Variants in THRAP3 observed in about 807,000 individuals in gnomAD.
THRAP3 encodes the protein thyroid hormone receptor-associated protein 3.
THRAP3 carries 16 observed loss-of-function variants against 101.0 expected under a neutral mutation model. The observed-to-expected ratio is 0.16, with a 90% CI of 0.11 to 0.24. The LOEUF (loss-of-function observed/expected upper bound fraction) is 0.24. Ranked by LOEUF, THRAP3 falls within the 10% of genes least tolerant of loss-of-function variation. THRAP3 has a pLI of 1.00. For synonymous variants in THRAP3, 407 were observed against 422.6 expected (o/e 0.96, Z 0.45); for missense variants, 989 against 1,202.7 (o/e 0.82, Z 2.63).
chr1:36,291,486 C>T lies in THRAP3; in HGVS notation c.1858C>T (p.Gln620Ter). Residue 620 changes from glutamine to a stop codon, truncating the protein, a stop_gained, in exon 6 of 12, where the codon CAG (glutamine) becomes TAG (stop). Transcript: ENST00000354618. LOFTEE classifies it high-confidence loss of function. ...IFQHIQSAQS[Q>*]RSPSELFAQH... ...CCAGCACATACAATCAGCTCAGTCT[C>T]AGCGTAGCCCCTCAGAACTGTTTGC... 6.2e-7 allele frequency: 1 copy of T among 1,614,236 alleles called. No individual in the cohort carries two copies. The highest frequency in any genetic ancestry group is 8.5e-7 in the Non-Finnish European group (1 of 1,180,046).
At chr1:36,257,431 G>A (rs575738242) in intron 1 of THRAP3, among the ~76,000 whole-genome samples, 2 of 152,322 alleles carry the variant, frequency 1.3e-5, no homozygotes, top group African/African-American at 4.8e-5. Context: ...AATTAGTAAT[G>A]TGTAGAAGGG....
chr1:36,289,787 C>A, intron 5 of THRAP3, 23 bp downstream of exon 5: 2 of 1,572,662 alleles, frequency 1.3e-6, no homozygotes, highest in African/African-American at 1.4e-5. Flanking sequence ...CCTTCTTGAT[C>A]CTCAGTGCTT....
At chr1:36,247,877 T>TC (rs1645250446) in intron 1 of THRAP3, among the ~76,000 whole-genome samples, 1 of 150,432 alleles carries the variant, frequency 6.6e-6, no homozygotes, top group African/African-American at 2.4e-5. Context: ...CATCTTTTTT[T>TC]TTTTTTTTTT....
chr1:36,258,752 T>A (rs1257587551), intron 1 of THRAP3, among the ~76,000 whole-genome samples: 4 of 152,258 alleles, frequency 2.6e-5, no homozygotes, highest in Non-Finnish European at 5.9e-5. Flanking sequence ...GTGCTGGGAT[T>A]ATAGGCGTGA....
chr1:36,300,816 C>T, intron 9 of THRAP3, 70 bp from the exon 10 acceptor site: 2 of 1,503,404 alleles, frequency 1.3e-6, no homozygotes, highest in South Asian at 1.1e-5. Context: ...CTGTGCTTAT[C>T]CATGAGGCCC....
chr1:36,278,940 A>G (rs1645697829), intron 2 of THRAP3, among the ~76,000 whole-genome samples: 1 of 151,970 alleles, frequency 6.6e-6, no homozygotes, highest in African/African-American at 2.4e-5. Flanking sequence ...AAATAAATAA[A>G]TAAAAATAAA....
intron 1 of THRAP3, among the ~76,000 whole-genome samples, chr1:36,232,937 C>T (rs909904124): frequency 9.3e-5 from 4 of 43,030 alleles, no homozygotes; most frequent in East Asian, 9.7e-4. Context: ...TGCTGTGGCG[C>T]GGTCTCGGCT....
chr1:36,280,712 T>C (rs1645719853), intron 2 of THRAP3, among the ~76,000 whole-genome samples: 1 of 152,208 alleles, frequency 6.6e-6, no homozygotes, highest in Non-Finnish European at 1.5e-5. Context: ...CTGTCTTTGA[T>C]AGACATGTAC....
At chr1:36,243,679 T>C (rs1169872407) in intron 1 of THRAP3, among the ~76,000 whole-genome samples, 2 of 152,180 alleles carry the variant, frequency 1.3e-5, no homozygotes, top group African/African-American at 2.4e-5. Context: ...AAACCGCCAT[T>C]GTCATCATGG....
At chr1:36,249,344 A>G (rs1645270161) in intron 1 of THRAP3, among the ~76,000 whole-genome samples, 1 of 151,916 alleles carries the variant, frequency 6.6e-6, no homozygotes, top group African/African-American at 2.4e-5. Flanking sequence ...GGTGCCCGCC[A>G]CCACACCTTG....
At chr1:36,221,208 C>G (rs1570201837), upstream of THRAP3, among the ~76,000 whole-genome samples, 1 of 140,510 alleles carries the variant, frequency 7.1e-6, no homozygotes, top group Non-Finnish European at 1.5e-5. Flanking sequence ...AAAAAAAAAG[C>G]TGCGAACATT....
intron 3 of THRAP3, among the ~76,000 whole-genome samples, chr1:36,284,320 A>G (rs1010180471): frequency 3.9e-5 from 6 of 152,222 alleles, no homozygotes; most frequent in African/African-American, 1.4e-4. Flanking sequence ...GTCTAGAGAC[A>G]CTTTACATGC....
intron 8 of THRAP3, among the ~76,000 whole-genome samples, chr1:36,296,028 CA>C (rs1485809429): frequency 8.0e-6 from 1 of 124,530 alleles, no homozygotes; most frequent in African/African-American, 3.1e-5. Flanking sequence ...GGATGGAGTG[CA>C]GTGGTGCGAT....
Position 36,258,803 on chromosome 1 carries a change from A to G in THRAP3, c.-134-579A>G, listed in dbSNP as rs952526074. ...ATAAGAATAACAACAAAGTTTTGAT[A>G]AGGCAGGAGTGAGGACATCTAATTA... is the stretch of plus-strand genomic sequence containing the variant. On this transcript the variant is annotated intron_variant, in intron 1 of 11. Coordinates refer to ENST00000354618, the MANE Select transcript of THRAP3 (RefSeq NM_005119.4). Among the ~76,000 whole-genome samples, 12 of 152,314 alleles carry G rather than the reference A, an allele frequency of 7.9e-5. No individual in the cohort carries two copies. The South Asian group carries it at 1.5e-3, about 18-fold the overall frequency.
At chr1:36,288,275 T>A (rs1358843759) in intron 4 of THRAP3, 1 of 714,756 alleles carries the variant, frequency 1.4e-6, no homozygotes, top group Non-Finnish European at 1.7e-6. Flanking sequence ...GTGTACACTG[T>A]ACCCAGTGTG....
intron 1 of THRAP3, among the ~76,000 whole-genome samples, chr1:36,244,721 G>A (rs918309509): frequency 2.6e-5 from 4 of 150,952 alleles, no homozygotes; most frequent in Non-Finnish European, 4.4e-5. Context: ...TTTACTTGTG[G>A]GTTTTTTTTT....
At chr1:36,297,202 G>A (rs533878704) in intron 9 of THRAP3, among the ~76,000 whole-genome samples, 1 of 152,278 alleles carries the variant, frequency 6.6e-6, no homozygotes, top group South Asian at 2.1e-4. Context: ...TTGATCTTAA[G>A]TGCCTTTTAA....
At chr1:36,258,553 G>A (rs1013041539) in intron 1 of THRAP3, among the ~76,000 whole-genome samples, 4 of 151,930 alleles carry the variant, frequency 2.6e-5, no homozygotes, top group Admixed American at 6.6e-5. Context: ...TCGGCTCACC[G>A]CAAGCTCCAC....
rs149368915 is a variant in THRAP3 at position 36,231,177 on chromosome 1, A to T, written c.-135+6672A>T. Among the ~76,000 whole-genome samples the T allele has an allele frequency of 2.1e-3, 320 of 151,026 alleles. 1 individual carries two copies. Among genetic ancestry groups the T allele is most frequent in the African/African-American group, 7.1e-3 (292 of 41,064 alleles). On this transcript the variant is annotated intron_variant, in intron 1 of 11. Coordinates refer to ENST00000354618, the MANE Select transcript of THRAP3 (RefSeq NM_005119.4). ...CCTTTTTTTTCTGTCTTGGTACCTT[A>T]TATCCTTCGTTTGTTTCTTCTTAAA...
Sources: gnomAD v4.1 joint callset for allele counts (sites outside exome capture counted in the v4.1 genomes callset) on GRCh38, gnomAD v4.1.1 for gene constraint, MANE v1.5 for transcripts, NCBI Gene and HGNC (gene_info 2026-07-23, HGNC 2026-07-21) for gene names.